Variants in SLC39A9 observed in about 807,000 individuals in gnomAD.
The protein encoded by SLC39A9 is solute carrier family 39 member 9.
A neutral mutation model predicts 28.4 loss-of-function variants in SLC39A9; 14 were observed. The ratio of observed to expected loss-of-function variants is 0.49; its 90% CI spans 0.33 to 0.77. The LOEUF is 0.77. Ranked by LOEUF, SLC39A9 falls within the 30% of genes least tolerant of loss-of-function variation. The pLI is 0.02. For synonymous variants in SLC39A9, 119 were observed against 149.6 expected, an observed-to-expected ratio of 0.80 and a Z score of 1.49; for missense variants, 283 against 381.1, an observed-to-expected ratio of 0.74 and a Z score of 2.14.
chr14:69,455,125 T>G (rs1228812049), intron 5 of SLC39A9, among the ~76,000 whole-genome samples: 1 of 152,176 alleles, frequency 6.6e-6, no homozygotes, highest in Non-Finnish European at 1.5e-5. Flanking sequence ...ATTGTCAAAT[T>G]CTCCTCAGAT....
At chr14:69,446,581 A>G (rs1343237586) in intron 3 of SLC39A9, among the ~76,000 whole-genome samples, 1 of 152,058 alleles carries the variant, frequency 6.6e-6, no homozygotes, top group East Asian at 1.9e-4. Flanking sequence ...CATTCAAAAA[A>G]TGGGAATCTG....
chr14:69,435,412 C>T (rs1884693813), intron 2 of SLC39A9, among the ~76,000 whole-genome samples: 1 of 152,084 alleles, frequency 6.6e-6, no homozygotes, highest in Admixed American at 6.5e-5. Context: ...CCCTTCTATC[C>T]TTTTATTTTT....
chr14:69,401,152 A>G (rs1035581125), intron 1 of SLC39A9, among the ~76,000 whole-genome samples: 14 of 152,218 alleles, frequency 9.2e-5, no homozygotes, highest in African/African-American at 3.4e-4. Context: ...CATGGTACAT[A>G]TACATGGTAG....
intron 1 of SLC39A9, among the ~76,000 whole-genome samples, chr14:69,416,910 C>G (rs1168167575): frequency 3.3e-5 from 5 of 152,074 alleles, no homozygotes; most frequent in African/African-American, 1.2e-4. Context: ...ATTTTCTCCC[C>G]TTCTGTAGGT....
At chr14:69,430,949 T>C (rs1884459090) in intron 2 of SLC39A9, among the ~76,000 whole-genome samples, 2 of 152,246 alleles carry the variant, frequency 1.3e-5, no homozygotes, top group Non-Finnish European at 1.5e-5. Context: ...AAAATTGTTT[T>C]GGCTTTCCAT....
intron 2 of SLC39A9, 55 bp from the exon 3 acceptor site, chr14:69,442,014 G>A: frequency 1.3e-6 from 2 of 1,570,838 alleles, no homozygotes; most frequent in South Asian, 2.4e-5. Flanking sequence ...ACTCCTACAT[G>A]AAAATGTTTT....
intron 2 of SLC39A9, among the ~76,000 whole-genome samples, chr14:69,434,816 G>A (rs895399041): frequency 3.9e-5 from 6 of 152,010 alleles, no homozygotes; most frequent in East Asian, 3.9e-4. Flanking sequence ...TCTTTTACCC[G>A]TGTGTTACTT....
At chr14:69,411,997 T>A (rs1030350173) in intron 1 of SLC39A9, among the ~76,000 whole-genome samples, 1 of 151,806 alleles carries the variant, frequency 6.6e-6, no homozygotes, top group Admixed American at 6.6e-5. Flanking sequence ...TGGCTAGGAT[T>A]ATCTCGATCT....
chr14:69,446,951 G>T (rs1040776736), intron 3 of SLC39A9, among the ~76,000 whole-genome samples: 37 of 147,152 alleles, frequency 2.5e-4, no homozygotes, highest in East Asian at 6.2e-4. Flanking sequence ...TATATATAGA[G>T]AGAGAGAGAG....
At chr14:69,414,430 T>C (rs555845612) in intron 1 of SLC39A9, among the ~76,000 whole-genome samples, 1 of 152,164 alleles carries the variant, frequency 6.6e-6, no homozygotes, top group Admixed American at 6.5e-5. Context: ...AAAATTGTGG[T>C]GAATTATTTT....
chr14:69,437,043 A>G (rs1449742533), intron 2 of SLC39A9, among the ~76,000 whole-genome samples: 15 of 151,936 alleles, frequency 9.9e-5, no homozygotes. Flanking sequence ...AATTTTTTGT[A>G]TTTTTAGTAG....
intron 1 of SLC39A9, among the ~76,000 whole-genome samples, chr14:69,410,478 A>G (rs1018408785): frequency 5.3e-5 from 8 of 152,178 alleles, no homozygotes; most frequent in Admixed American, 6.5e-5. Context: ...GCCCCTTCTT[A>G]CAGAGGAGGC....
intron 1 of SLC39A9, among the ~76,000 whole-genome samples, chr14:69,420,469 A>G (rs943286162): frequency 3.3e-5 from 5 of 152,044 alleles, no homozygotes; most frequent in South Asian, 2.1e-4. Context: ...TCTGACAATT[A>G]TGTGTCCTGG....
At chr14:69,407,448 C>T (rs1882998909) in intron 1 of SLC39A9, among the ~76,000 whole-genome samples, 1 of 151,916 alleles carries the variant, frequency 6.6e-6, no homozygotes, top group South Asian at 2.1e-4. Context: ...AGTGATTCTC[C>T]TGCCTCAGCC....
intron 1 of SLC39A9, among the ~76,000 whole-genome samples, chr14:69,406,672 A>G (rs1882928885): frequency 6.7e-6 from 1 of 149,052 alleles, no homozygotes; most frequent in Non-Finnish European, 1.5e-5. Flanking sequence ...TGGGCAACAG[A>G]GCGAGACTGT....
At chr14:69,403,179 C>G (rs61982389) in intron 1 of SLC39A9, among the ~76,000 whole-genome samples, 1 of 152,096 alleles carries the variant, frequency 6.6e-6, no homozygotes, top group Non-Finnish European at 1.5e-5. Flanking sequence ...GAGTGAGACC[C>G]GTTGGTTTAT....
chr14:69,405,569 A>G (rs1234226137), intron 1 of SLC39A9, among the ~76,000 whole-genome samples: 2 of 152,192 alleles, frequency 1.3e-5, no homozygotes, highest in Non-Finnish European at 2.9e-5. Flanking sequence ...CTGGGCAACA[A>G]GTGAGACCCT....
chr14:69,457,183 TACACACAC>T (rs1016972205), intron 6 of SLC39A9, among the ~76,000 whole-genome samples: 1 of 151,672 alleles, frequency 6.6e-6, no homozygotes, highest in East Asian at 1.9e-4. Flanking sequence ...TACATATATA[TACACACAC>T]ACACACACAC....
chr14:69,402,251 T>C (rs1309968872), intron 1 of SLC39A9, among the ~76,000 whole-genome samples: 4 of 151,468 alleles, frequency 2.6e-5, no homozygotes, highest in Non-Finnish European at 1.5e-5. Context: ...AAAAAAAAAC[T>C]CATAATGTTT....
Sources: allele counts gnomAD v4.1 joint callset (sites outside exome capture counted in the v4.1 genomes callset), GRCh38; gene constraint gnomAD v4.1.1; transcripts MANE v1.5; gene names NCBI Gene and HGNC (gene_info 2026-07-23, HGNC 2026-07-21).